FHL1: variants seen among roughly 807,000 people sequenced by gnomAD.
FHL1 encodes the protein four and a half LIM domains 1.
In FHL1, 1 loss-of-function variant was observed where a neutral mutation model predicts 20.3. That is an observed-to-expected ratio of 0.05 (90% CI 0.02 to 0.23). FHL1 has a LOEUF of 0.23. Ranked by LOEUF, FHL1 falls within the 10% of genes least tolerant of loss-of-function variation. The pLI is 1.00. For missense variants in FHL1, 177 were observed against 234.0 expected (o/e 0.76, Z 1.59); for synonymous variants, 82 against 88.9 (o/e 0.92, Z 0.44).
At chrX:136,183,343 A>C (rs761221225) in intron 2 of FHL1, among the ~76,000 whole-genome samples, 1 of 111,394 alleles carries the variant, frequency 9.0e-6, no homozygotes, top group Admixed American at 9.6e-5. Context: ...AATAACATGC[A>C]CTTTGGTCTT....
At chrX:136,196,955 G>C (rs2073570827), upstream of FHL1, 1 of 1,049,948 alleles carries the variant, frequency 9.5e-7, no homozygotes, top group East Asian at 3.1e-5. Flanking sequence ...GTGGGATTAA[G>C]GTTGTGATCT....
chrX:136,150,875 G>C (rs1249971386), intron 1 of FHL1, among the ~76,000 whole-genome samples: 1 of 112,245 alleles, frequency 8.9e-6, no homozygotes, highest in Non-Finnish European at 1.9e-5. Context: ...ATTCAGCTTT[G>C]TATTACTGTA....
Position 136,156,645 on chromosome X carries a change from G to A in FHL1, c.-101+9017G>A, listed in dbSNP as rs113099983. Among the ~76,000 whole-genome samples the A allele has an allele frequency of 6.3e-3, 700 of 111,810 alleles. 3 individuals carry two copies. Among genetic ancestry groups the A allele is most frequent in the African/African-American group, 0.022 (667 of 30,751 alleles). On this transcript the variant is annotated intron_variant, in intron 1 of 7. Transcript: ENST00000394155. ...ATTTCCTTTTCAGTACTAAGGAAAT[G>A]ATAGCTGGGAATGCAAAGGCTTTAT...
intron 2 of FHL1, among the ~76,000 whole-genome samples, chrX:136,181,207 A>G (rs1308457050): frequency 2.7e-5 from 3 of 112,682 alleles, no homozygotes; most frequent in Non-Finnish European, 5.6e-5. Flanking sequence ...GTGTTAAGGC[A>G]TTGGCCTGCA....
intron 3 of FHL1, 68 bp downstream of exon 3, chrX:136,207,258 C>G: frequency 9.2e-7 from 1 of 1,088,646 alleles, no homozygotes; most frequent in Non-Finnish European, 1.2e-6. Context: ...TGTGGGCTTG[C>G]TTATCATGGT....
chrX:136,202,715 C>T (rs1038301557), intron 1 of FHL1, among the ~76,000 whole-genome samples: 1 of 111,426 alleles, frequency 9.0e-6, no homozygotes, highest in African/African-American at 3.3e-5. Context: ...AAGATTGCGC[C>T]ACTGCACTCC....
chrX:136,191,590 A>G (rs775264209), intron 2 of FHL1, among the ~76,000 whole-genome samples: 4 of 111,753 alleles, frequency 3.6e-5, no homozygotes, highest in African/African-American at 9.8e-5. Context: ...TTCTAGGGCT[A>G]TCTTCTATTT....
At chrX:136,170,467 C>T (rs1424151486) in intron 2 of FHL1, among the ~76,000 whole-genome samples, 1 of 111,182 alleles carries the variant, frequency 9.0e-6, no homozygotes, top group African/African-American at 3.3e-5. Flanking sequence ...AGTGCTTCTG[C>T]TCGGTGACAT....
intron 1 of FHL1, among the ~76,000 whole-genome samples, chrX:136,160,225 A>C (rs2072528959): frequency 9.0e-6 from 1 of 110,602 alleles, no homozygotes; most frequent in Admixed American, 9.7e-5. Flanking sequence ...TGCAGCTGCA[A>C]AGGGAAAGAA....
intron 1 of FHL1, among the ~76,000 whole-genome samples, chrX:136,154,029 A>G (rs1199527310): frequency 8.9e-6 from 1 of 111,838 alleles, no homozygotes; most frequent in Non-Finnish European, 1.9e-5. Flanking sequence ...TCAATGCTAA[A>G]AGAGGCTGTT....
intron 1 of FHL1, among the ~76,000 whole-genome samples, chrX:136,150,677 A>G (rs1207641763): frequency 4.5e-5 from 5 of 112,152 alleles, no homozygotes; most frequent in African/African-American, 1.6e-4. Flanking sequence ...TTATTCAACA[A>G]ACATTTGCCG....
intron 5 of FHL1, chrX:136,209,442 G>A (rs761439164): frequency 1.7e-6 from 2 of 1,210,034 alleles, no homozygotes; most frequent in South Asian, 1.8e-5. Context: ...CTCGAGGCCC[G>A]GTAAGTGCAC....
chrX:136,182,923 C>G (rs1654706750), intron 2 of FHL1: 1 of 110,717 alleles, frequency 9.0e-6, no homozygotes, highest in African/African-American at 3.3e-5. Context: ...ATGGCGAAAC[C>G]CTGTCTCTAC....
intron 1 of FHL1, chrX:136,205,065 C>G (rs2073806507): frequency 8.9e-6 from 1 of 112,370 alleles, no homozygotes; most frequent in African/African-American, 3.2e-5. Context: ...TCTTGTATTT[C>G]CTGCACAAAT....
intron 2 of FHL1, among the ~76,000 whole-genome samples, chrX:136,187,436 G>GGT (rs1351339557): frequency 1.8e-5 from 2 of 112,281 alleles, no homozygotes; most frequent in Non-Finnish European, 3.8e-5. Context: ...AACAATATGT[G>GGT]GTGTATCTGT....
At chrX:136,152,722 A>AC (rs2072301840) in intron 1 of FHL1, among the ~76,000 whole-genome samples, 1 of 105,167 alleles carries the variant, frequency 9.5e-6, no homozygotes, top group Non-Finnish European at 1.9e-5. Context: ...TCCATCTCAA[A>AC]AAAAAAAAAA....
rs929606882 is a variant in FHL1 at position 136,208,110 on chromosome X, C to T, written c.549+149C>T. 6.2e-5 allele frequency: 48 copies of T among 774,428 alleles called. No individual in the cohort carries two copies. The Admixed American group carries it at 1.1e-3, about 18-fold the overall frequency. The allele number at this position is 774,428 out of a possible 1,213,427, so 63.8% of individuals were successfully genotyped here. A position where few individuals can be genotyped will look rare whatever the true frequency, so the allele number is the denominator to read the frequency against. On this transcript the variant is annotated intron_variant, in intron 4 of 5. Coordinates refer to ENST00000370683, the MANE Select transcript of FHL1 (RefSeq NM_001159699.2). Reference sequence around the variant, plus strand: ...ATTCCCGTTTTACAGATGAGGAGATCGTGGATTAGGAAGCAGTGCCACAGC... The same window carrying T: ...ATTCCCGTTTTACAGATGAGGAGATTGTGGATTAGGAAGCAGTGCCACAGC...
At chrX:136,207,420 T>C in intron 3 of FHL1, 1 of 438,315 alleles carries the variant, frequency 2.3e-6, no homozygotes, top group Non-Finnish European at 4.0e-6. Flanking sequence ...GGCAACAGAA[T>C]GAAGTGAACA....
At chrX:136,174,468 G>T (rs1351894422) in intron 2 of FHL1, among the ~76,000 whole-genome samples, 1 of 111,637 alleles carries the variant, frequency 9.0e-6, no homozygotes, top group Non-Finnish European at 1.9e-5. Context: ...CAAGCGCCAG[G>T]TTATACCACT....
Sources: gnomAD v4.1 joint callset for allele counts (sites outside exome capture counted in the v4.1 genomes callset) on GRCh38, gnomAD v4.1.1 for gene constraint, MANE v1.5 for transcripts, NCBI Gene and HGNC (gene_info 2026-07-23, HGNC 2026-07-21) for gene names.